Variants in WDR88 observed in about 807,000 individuals in gnomAD.
WDR88 encodes WD repeat-containing protein 88.
Under a neutral mutation model 46.8 loss-of-function variants are expected in WDR88, and 40 were observed. That is an observed-to-expected ratio of 0.86 (90% confidence interval 0.66 to 1.11). WDR88 has a LOEUF of 1.11. Among genes scored for constraint, WDR88 ranks in the 50% most tolerant of loss-of-function variants. The pLI, the probability that WDR88 is intolerant of heterozygous loss-of-function variation, is 0.00. For synonymous variants in WDR88, 235 were observed against 240.7 expected (o/e 0.98, Z 0.22); for missense variants, 562 against 602.4 (o/e 0.93, Z 0.70).
At chr19:33,171,183 G>T (rs1028127849) in intron 9 of WDR88, among the ~76,000 whole-genome samples, 1 of 151,988 alleles carries the variant, frequency 6.6e-6, no homozygotes, top group South Asian at 2.1e-4. Flanking sequence ...ACAGAGTTTC[G>T]CCATGTTGGC....
At chr19:33,143,917 C>T (rs1382806059) in intron 2 of WDR88, among the ~76,000 whole-genome samples, 1 of 152,182 alleles carries the variant, frequency 6.6e-6, no homozygotes, top group Non-Finnish European at 1.5e-5. Context: ...TATTTTCCAA[C>T]TGTTTATTAG....
At chr19:33,139,204 G>A (rs897474091) in intron 2 of WDR88, among the ~76,000 whole-genome samples, 1 of 152,244 alleles carries the variant, frequency 6.6e-6, no homozygotes, top group African/African-American at 2.4e-5. Flanking sequence ...ACCCCAAGGT[G>A]CAGCAGGCAG....
chr19:33,174,187 GA>G, intron 10 of WDR88: 1 of 1,536,366 alleles, frequency 6.5e-7, no homozygotes, highest in Non-Finnish European at 8.7e-7. Context: ...AAAAGGAAAA[GA>G]AAGAGGCCTA....
intron 2 of WDR88, among the ~76,000 whole-genome samples, chr19:33,143,611 C>T (rs974439754): frequency 6.7e-6 from 1 of 149,042 alleles, no homozygotes; most frequent in Non-Finnish European, 1.5e-5. Context: ...TGCCACTGCA[C>T]TCCAGCCTGG....
At chr19:33,158,757 T>C (rs1315267320) in intron 7 of WDR88, among the ~76,000 whole-genome samples, 1 of 152,190 alleles carries the variant, frequency 6.6e-6, no homozygotes, top group Non-Finnish European at 1.5e-5. Flanking sequence ...TGGAGCGCAG[T>C]TGCGCGATCT....
At chr19:33,160,356 G>C (rs1973844598) in intron 7 of WDR88, 58 bp from the exon 8 acceptor site, 1 of 1,572,036 alleles carries the variant, frequency 6.4e-7, no homozygotes, top group Non-Finnish European at 8.8e-7. Flanking sequence ...AGCTGGCTTT[G>C]GGCTCACTTG....
At position 33,132,434 on chromosome 19, in the gene WDR88, CCT is replaced by C; in HGVS notation, c.271_272del (p.Ser91GlnfsTer5). The C allele has an allele frequency of 6.2e-7, 1 of 1,613,842 alleles. No homozygotes were observed. Among genetic ancestry groups the C allele is most frequent in the East Asian group, 2.2e-5 (1 of 44,874 alleles). On this transcript the variant is annotated frameshift_variant, in exon 1 of 11. Transcript: ENST00000355868. LOFTEE classifies it high-confidence loss of function. Reference sequence around the variant, plus strand: ...GAAATTGATCTGGGGCGACCAGGACCCTCTCTCCAAGGTCAGAACCGCCGCTG... The same window carrying C: ...GAAATTGATCTGGGGCGACCAGGACCCTCTCCAAGGTCAGAACCGCCGCTG... ...PEKLIWGDQD[P>X]LSKIPFKILS... is the part of the protein sequence containing the mutation.
chr19:33,156,776 G>C (rs1385843028), intron 7 of WDR88, among the ~76,000 whole-genome samples: 1 of 152,204 alleles, frequency 6.6e-6, no homozygotes, highest in Non-Finnish European at 1.5e-5. Context: ...ATCCTGTAAT[G>C]GAAAAGTCCA....
At chr19:33,133,198 T>TAAATAG (rs1555723214) in intron 1 of WDR88, among the ~76,000 whole-genome samples, 2 of 79,816 alleles carry the variant, frequency 2.5e-5, no homozygotes, top group African/African-American at 6.5e-5. Context: ...TAAATAAATA[T>TAAATAG]AGAGAGAGAG....
intron 8 of WDR88, among the ~76,000 whole-genome samples, 160 bp from the exon 9 acceptor site, chr19:33,164,037 A>G (rs554330018): frequency 7.6e-4 from 116 of 152,214 alleles, no homozygotes; most frequent in Non-Finnish European, 1.5e-3. Context: ...TGGTGCAATC[A>G]TGGCTCACTG....
chr19:33,174,355 A>G (rs1457976587), intron 10 of WDR88: 1 of 1,450,032 alleles, frequency 6.9e-7, no homozygotes. Flanking sequence ...AGAACAGCAA[A>G]GCCCAGGGGC....
intron 10 of WDR88, chr19:33,174,170 C>A: frequency 1.3e-6 from 2 of 1,536,034 alleles, no homozygotes; most frequent in Non-Finnish European, 1.7e-6. Context: ...TAATCTATTT[C>A]TTGCAAAAAA....
chr19:33,154,165 GTTTATTTA>G (rs200734545), intron 6 of WDR88, among the ~76,000 whole-genome samples: 1 of 151,878 alleles, frequency 6.6e-6, no homozygotes, highest in Non-Finnish European at 1.5e-5. Context: ...GATACCTCTG[GTTTATTTA>G]TTTATTTATT....
At chr19:33,135,829 G>A (rs1190240118) in intron 1 of WDR88, among the ~76,000 whole-genome samples, 1 of 152,154 alleles carries the variant, frequency 6.6e-6, no homozygotes, top group Non-Finnish European at 1.5e-5. Flanking sequence ...TTTGATGATA[G>A]CCATCCTAAC....
chr19:33,174,896 C>T, intron 10 of WDR88: 1 of 985,402 alleles, frequency 1.0e-6, no homozygotes, highest in Non-Finnish European at 1.2e-6. Flanking sequence ...GGGGAAGCAG[C>T]CTGTGCTCAT....
intron 7 of WDR88, among the ~76,000 whole-genome samples, chr19:33,157,671 G>A (rs371978206): frequency 0.46 from 4,818 of 10,410 alleles, 411 homozygotes; most frequent in African/African-American, 0.54. Flanking sequence ...GTATGTATGT[G>A]TGTGTGTGTA....
At chr19:33,150,295 T>A (rs1418142554) in intron 5 of WDR88, among the ~76,000 whole-genome samples, 1 of 151,550 alleles carries the variant, frequency 6.6e-6, no homozygotes, top group East Asian at 2.0e-4. Flanking sequence ...CTACTAAAAA[T>A]ACAAAAATTA....
At chr19:33,141,578 G>A (rs1289373392) in intron 2 of WDR88, among the ~76,000 whole-genome samples, 1 of 152,158 alleles carries the variant, frequency 6.6e-6, no homozygotes, top group East Asian at 1.9e-4. Flanking sequence ...ATATTAGAGG[G>A]AGATTGGGCA....
chr19:33,135,607 G>A (rs965766895), intron 1 of WDR88, among the ~76,000 whole-genome samples: 2 of 152,048 alleles, frequency 1.3e-5, no homozygotes, highest in Non-Finnish European at 2.9e-5. Context: ...TAGTAGAGAC[G>A]GGGTTTCACC....
Sources: gnomAD v4.1 joint callset for allele counts (sites outside exome capture counted in the v4.1 genomes callset) on GRCh38, gnomAD v4.1.1 for gene constraint, MANE v1.5 for transcripts, NCBI Gene and HGNC (gene_info 2026-07-23, HGNC 2026-07-21) for gene names.